Variants in KIF9 observed in about 807,000 individuals in gnomAD.
KIF9 encodes the protein kinesin-like protein KIF9.
In KIF9, 68 loss-of-function variants were observed where a neutral mutation model predicts 94.8. That is an observed-to-expected ratio of 0.72 (90% CI 0.59 to 0.88). The LOEUF (loss-of-function observed/expected upper bound fraction) is 0.88. KIF9 is among the 40% of genes least tolerant of loss of function. The probability of loss-of-function intolerance (pLI) is 0.00; values close to 1 mark genes in which losing one functional copy is unlikely to be tolerated. For synonymous variants in KIF9, 343 were observed against 362.1 expected (o/e 0.95, Z 0.60); for missense variants, 882 against 982.5 (o/e 0.90, Z 1.37).
chr3:47,269,046 T>C (rs543435039), intron 5 of KIF9, among the ~76,000 whole-genome samples: 1 of 152,246 alleles, frequency 6.6e-6, no homozygotes, highest in South Asian at 2.1e-4. Flanking sequence ...AGCTCTGGGA[T>C]TACAGGTGTG....
intron 10 of KIF9, among the ~76,000 whole-genome samples, chr3:47,255,569 C>T (rs1055411272): frequency 1.5e-4 from 23 of 152,116 alleles, no homozygotes; most frequent in Non-Finnish European, 3.4e-4. Context: ...CTTAGAGCAG[C>T]AGTTCTCAAA....
chr3:47,245,720 A>C, intron 13 of KIF9: 1 of 575,752 alleles, frequency 1.7e-6, no homozygotes, highest in East Asian at 2.9e-5. Context: ...CCATACCCAC[A>C]AGGGCTACCT....
chr3:47,248,247 C>T (rs534684148), intron 10 of KIF9, 161 bp from the exon 11 acceptor site: 17 of 629,024 alleles, frequency 2.7e-5, no homozygotes, highest in South Asian at 1.8e-4. Context: ...GATTCCCTCC[C>T]GACTGGTGAC....
intron 9 of KIF9, 118 bp downstream of exon 9, chr3:47,264,168 T>C: frequency 2.5e-6 from 2 of 791,500 alleles, no homozygotes; most frequent in South Asian, 2.8e-5. Context: ...CCCTGGATCC[T>C]TCCACTCTTG....
At chr3:47,269,116 A>C (rs1701473139) in intron 5 of KIF9, among the ~76,000 whole-genome samples, 1 of 152,040 alleles carries the variant, frequency 6.6e-6, no homozygotes, top group Admixed American at 6.5e-5. Flanking sequence ...CCTGCTATTG[A>C]CGTTGAGGAA....
chr3:47,264,188 A>C, intron 9 of KIF9, 98 bp downstream of exon 9: 1 of 887,256 alleles, frequency 1.1e-6, no homozygotes, highest in Non-Finnish European at 1.9e-6. Flanking sequence ...GACAATGTCT[A>C]TGGCCACTGT....
At chr3:47,264,183 T>C in intron 9 of KIF9, 103 bp downstream of exon 9, 4 of 870,200 alleles carry the variant, frequency 4.6e-6, no homozygotes, top group Non-Finnish European at 7.8e-6. Context: ...CTCTTGACAA[T>C]GTCTATGGCC....
At chr3:47,272,076 C>T (rs1166901837) in intron 4 of KIF9, among the ~76,000 whole-genome samples, 7 of 152,022 alleles carry the variant, frequency 4.6e-5, no homozygotes, top group South Asian at 2.1e-4. Context: ...GATGAGATCA[C>T]GCCACTGCAC....
chr3:47,239,572 G>T, intron 17 of KIF9: 1 of 1,076,946 alleles, frequency 9.3e-7, no homozygotes, highest in Non-Finnish European at 1.1e-6. Context: ...TGCCCTCTGA[G>T]AAATAATTGT....
At chr3:47,229,966 T>C (rs1698438969) in intron 20 of KIF9, among the ~76,000 whole-genome samples, 1 of 152,132 alleles carries the variant, frequency 6.6e-6, no homozygotes, top group Non-Finnish European at 1.5e-5. Flanking sequence ...ACTCCTCACC[T>C]TAAGTGATCC....
At chr3:47,246,549 AG>A (rs1302839231) in intron 12 of KIF9, 1 of 96,828 alleles carries the variant, frequency 1.0e-5, no homozygotes, top group Non-Finnish European at 1.8e-5. Flanking sequence ...TACCTTCTAA[AG>A]GTTTTTTTTT....
Position 47,247,472 on chromosome 3 carries a change from G to A in KIF9, c.1134C>T (p.Asn378=). ...TGGGGTCATAGGTCACAAAGGTGCG[G>A]TTGGTCTTGAAGGAGGATGAAGAAC... is the stretch of plus-strand genomic sequence containing the variant. ...QELAIHDSLT[N]RTFVTYDPMD... The change falls in exon 12 of 21, where the codon AAC becomes AAT. Residue 378 remains asparagine, a synonymous_variant. Transcript: ENST00000684063. 2.5e-6 allele frequency: 4 copies of A among 1,612,702 alleles called. No individual in the cohort carries two copies. Among genetic ancestry groups the A allele is most frequent in the Non-Finnish European group, 3.4e-6 (4 of 1,178,756 alleles).
intron 10 of KIF9, 116 bp downstream of exon 10, chr3:47,257,367 G>A: frequency 1.1e-6 from 1 of 885,114 alleles, no homozygotes; most frequent in Non-Finnish European, 1.8e-6. Flanking sequence ...GGCTGACCCA[G>A]GGCTGCATGG....
chr3:47,265,564 C>T (rs558641378), intron 8 of KIF9, among the ~76,000 whole-genome samples, 166 bp downstream of exon 8: 1 of 152,184 alleles, frequency 6.6e-6, no homozygotes, highest in African/African-American at 2.4e-5. Flanking sequence ...GGGCACAGTG[C>T]TTGATTCTGC....
intron 1 of KIF9, chr3:47,280,915 CCAAA>C (rs1158286337): frequency 1.0e-5 from 7 of 703,058 alleles, no homozygotes; most frequent in East Asian, 5.4e-5. Context: ...CCTTTAACAC[CCAAA>C]CATTTAGGGA....
rs1328871401 is a variant in KIF9 at position 47,271,306 on chromosome 3, T to G, written c.522A>C (p.Gly174=). 1.2e-6 allele frequency: 2 copies of G among 1,614,074 alleles called. No individual in the cohort carries two copies. The highest frequency in any genetic ancestry group is 1.7e-5 in the Admixed American group (1 of 60,014). Residue 174 remains glycine (G), a synonymous_variant, in exon 5 of 21, where the codon GGA becomes GGC. Coordinates refer to ENST00000684063, the MANE Select transcript of KIF9 (RefSeq NM_182902.4). The part of the protein sequence containing the change: ...TPMTIVENPQ[G]VFIKGLSVHL... ...GAACTGACAAGCCCTTAATGAAGAC[T>G]CCTTGAGGGTTTTCCACGATGGTCA... is the stretch of plus-strand genomic sequence containing the variant.
At chr3:47,236,855 A>C (rs1699063492) in intron 17 of KIF9, among the ~76,000 whole-genome samples, 1 of 152,220 alleles carries the variant, frequency 6.6e-6, no homozygotes, top group Admixed American at 6.5e-5. Context: ...TAGGGCAAAC[A>C]AGAGCAGAGG....
intron 17 of KIF9, chr3:47,240,055 G>T: frequency 5.9e-6 from 4 of 677,910 alleles, no homozygotes; most frequent in South Asian, 1.8e-5. Context: ...AGAACCACTG[G>T]CTGAGGGGCT....
At position 47,248,017 on chromosome 3, in the gene KIF9, C is replaced by A; in HGVS notation, c.1128+1G>T. On this transcript the variant is annotated splice_donor_variant, in intron 11 of 20. Coordinates refer to ENST00000684063, the MANE Select transcript of KIF9 (RefSeq NM_182902.4). LOFTEE classifies it high-confidence loss of function. ...CTCCTTCTTTGCCTCTAGCCTCTTA[C>A]CAGGCTGTCATGGATAGCCAGCTCC... is the stretch of plus-strand genomic sequence containing the variant. 6.2e-7 allele frequency: 1 copy of A among 1,610,664 alleles called. No individual in the cohort carries two copies. Among genetic ancestry groups the A allele is most frequent in the Non-Finnish European group, 8.5e-7 (1 of 1,177,036 alleles).
Sources: gnomAD v4.1 joint callset for allele counts (sites outside exome capture counted in the v4.1 genomes callset) on GRCh38, gnomAD v4.1.1 for gene constraint, MANE v1.5 for transcripts, NCBI Gene and HGNC (gene_info 2026-07-23, HGNC 2026-07-21) for gene names.